Variants in SYNPR observed in about 807,000 individuals in gnomAD.
SYNPR encodes the protein synaptoporin.
A neutral mutation model predicts 32.9 loss-of-function variants in SYNPR; 23 were observed. The observed-to-expected ratio is 0.70, with a 90% CI of 0.50 to 0.99. The LOEUF is 0.99. Among genes scored for constraint, SYNPR ranks in the 50% least tolerant of loss-of-function variants. The pLI is 0.00. For synonymous variants in SYNPR, 146 were observed against 135.9 expected (o/e 1.07, Z -0.52); for missense variants, 318 against 349.3 (o/e 0.91, Z 0.71).
chr3:63,305,736 C>G (rs1158286029), intron 2 of SYNPR, among the ~76,000 whole-genome samples: 1 of 151,958 alleles, frequency 6.6e-6, no homozygotes, highest in African/African-American at 2.4e-5. Context: ...CTCTCAGAAA[C>G]TCCGCCCCTG....
At chr3:63,371,651 A>G (rs1049056919) in intron 2 of SYNPR, among the ~76,000 whole-genome samples, 32 of 152,322 alleles carry the variant, frequency 2.1e-4, no homozygotes, top group African/African-American at 7.5e-4. Flanking sequence ...ACAGCTCCCC[A>G]GTGCAGCACA....
At chr3:63,421,750 T>C (rs1002645039) in intron 2 of SYNPR, among the ~76,000 whole-genome samples, 1 of 152,150 alleles carries the variant, frequency 6.6e-6, no homozygotes, top group Non-Finnish European at 1.5e-5. Flanking sequence ...TCTTGCAAGC[T>C]CTTTGGTTGT....
At position 63,317,262 on chromosome 3, in the gene SYNPR, T is replaced by C. The variant is rs531457861; in HGVS notation, c.84+38520T>C. On this transcript the variant is annotated intron_variant, in intron 2 of 5. Transcript: ENST00000478300. The stretch of plus-strand genomic sequence containing the variant: ...TCTGTTAAGTACATTTATTCCAAGG[T>C]GTAGTTTAAATCCATTGTTTCTTTG... 2.0e-5 allele frequency among the ~76,000 whole-genome samples: 3 copies of C among 151,938 alleles called. No individual in the cohort carries two copies. In the East Asian group the frequency reaches 5.8e-4, roughly 29 times the overall value.
At chr3:63,355,714 C>T (rs529277236) in intron 2 of SYNPR, among the ~76,000 whole-genome samples, 82 of 151,112 alleles carry the variant, frequency 5.4e-4, no homozygotes, top group African/African-American at 2.0e-3. Context: ...GCCCCCCCAG[C>T]CAGTGCTCAG....
chr3:63,459,418 C>A (rs1326954878), intron 2 of SYNPR, among the ~76,000 whole-genome samples: 1 of 152,140 alleles, frequency 6.6e-6, no homozygotes. Flanking sequence ...TCTCTCCTTC[C>A]TGTTCTGTTA....
At chr3:63,261,929 A>G (rs1030507558) in intron 2 of SYNPR, among the ~76,000 whole-genome samples, 3 of 152,026 alleles carry the variant, frequency 2.0e-5, no homozygotes, top group Non-Finnish European at 4.4e-5. Context: ...CTAATGTTAA[A>G]TGATGAGTTA....
intron 4 of SYNPR, among the ~76,000 whole-genome samples, chr3:63,602,779 T>C (rs1212973996): frequency 6.6e-6 from 1 of 152,220 alleles, no homozygotes; most frequent in African/African-American, 2.4e-5. Flanking sequence ...TTGGGTAAAG[T>C]AATACCTCCA....
At chr3:63,413,335 CACAGTTTGCT>C (rs2107120340) in intron 2 of SYNPR, among the ~76,000 whole-genome samples, 1 of 152,146 alleles carries the variant, frequency 6.6e-6, no homozygotes, top group Admixed American at 6.5e-5. Context: ...ACCTTTTTGC[CACAGTTTGCT>C]ACAGGCTAAC....
intron 3 of SYNPR, among the ~76,000 whole-genome samples, chr3:63,503,532 C>CT (rs542685354): frequency 3.3e-5 from 5 of 152,186 alleles, no homozygotes; most frequent in Non-Finnish European, 7.4e-5. Flanking sequence ...TCTTCTCAGA[C>CT]TTTTAATCTC....
At chr3:63,453,828 C>T (rs1032511915) in intron 2 of SYNPR, among the ~76,000 whole-genome samples, 10 of 151,954 alleles carry the variant, frequency 6.6e-5, no homozygotes, top group Non-Finnish European at 1.2e-4. Context: ...TTCTTTATAA[C>T]GTAAATAAGT....
rs1281346562 is a variant in SYNPR, at chr3:63,615,723, A to G, written c.*242A>G. The G allele has an allele frequency of 4.6e-6, 2 of 431,152 alleles. No individual in the cohort carries two copies. The highest frequency in any genetic ancestry group is 8.1e-6 in the Non-Finnish European group (2 of 246,542). 26.7% of individuals were successfully genotyped at this position (431,152 alleles called of 1,614,324 possible). The stretch of plus-strand genomic sequence containing the variant: ...AATTGGAGAGTACCTTGTTATATAT[A>G]CAGATACTTTCATGGTCATTTTGTA... On this transcript the variant is annotated 3_prime_UTR_variant, in exon 6 of 6. Transcript: ENST00000478300.
intron 4 of SYNPR, among the ~76,000 whole-genome samples, chr3:63,561,171 C>G (rs1206814536): frequency 6.6e-6 from 1 of 152,152 alleles, no homozygotes; most frequent in African/African-American, 2.4e-5. Flanking sequence ...TTATAGTCCT[C>G]TGGGACATGA....
At chr3:63,610,101 T>TTATAATGTAAAAA (rs1271761126) in intron 5 of SYNPR, among the ~76,000 whole-genome samples, 3 of 152,184 alleles carry the variant, frequency 2.0e-5, no homozygotes, top group Non-Finnish European at 4.4e-5. Context: ...TGTAAAAAAG[T>TTATAATGTAAAAA]ACTTATAATA....
intron 4 of SYNPR, among the ~76,000 whole-genome samples, chr3:63,576,675 C>T (rs1043785193): frequency 2.6e-5 from 4 of 151,630 alleles, no homozygotes; most frequent in Non-Finnish European, 4.4e-5. Context: ...CCTGTAGTCC[C>T]AGCTACTCGG....
chr3:63,535,582 C>T (rs1459841420), intron 3 of SYNPR, among the ~76,000 whole-genome samples: 1 of 151,946 alleles, frequency 6.6e-6, no homozygotes, highest in East Asian at 1.9e-4. Flanking sequence ...TAAGGATAGA[C>T]ATATAGACCA....
At chr3:63,368,290 G>A (rs1437645401) in intron 2 of SYNPR, among the ~76,000 whole-genome samples, 1 of 152,216 alleles carries the variant, frequency 6.6e-6, no homozygotes, top group Non-Finnish European at 1.5e-5. Flanking sequence ...ATACATTAAT[G>A]AGTGACCAGT....
At chr3:63,484,304 A>G (rs1373819764) in intron 3 of SYNPR, among the ~76,000 whole-genome samples, 1 of 152,186 alleles carries the variant, frequency 6.6e-6, no homozygotes, top group Non-Finnish European at 1.5e-5. Flanking sequence ...CTGCAATAAT[A>G]TACTAAATTT....
intron 3 of SYNPR, among the ~76,000 whole-genome samples, chr3:63,481,558 T>C (rs1221601843): frequency 6.6e-6 from 1 of 152,108 alleles, no homozygotes; most frequent in Non-Finnish European, 1.5e-5. Flanking sequence ...GTAGCATTGA[T>C]ACCAATATTC....
intron 3 of SYNPR, among the ~76,000 whole-genome samples, chr3:63,482,330 G>C (rs115061516): frequency 0.012 from 1,827 of 152,236 alleles, 35 homozygotes; most frequent in African/African-American, 0.042. Context: ...CCTGGGTTCT[G>C]AAACAAATAT....
Sources: allele counts gnomAD v4.1 joint callset (sites outside exome capture counted in the v4.1 genomes callset), GRCh38; gene constraint gnomAD v4.1.1; transcripts MANE v1.5; gene names NCBI Gene and HGNC (gene_info 2026-07-23, HGNC 2026-07-21).